The following PDE4DIP variants were observed in gnomAD, a reference collection of about 807,000 sequenced individuals.
The protein encoded by PDE4DIP is phosphodiesterase 4D interacting protein, also known as myomegalin.
A neutral mutation model predicts 221.4 loss-of-function variants in PDE4DIP; 59 were observed. The ratio of observed to expected loss-of-function variants is 0.27; its 90% CI spans 0.22 to 0.33. PDE4DIP has a LOEUF of 0.33. Ranked by LOEUF, PDE4DIP falls within the 10% of genes least tolerant of loss-of-function variation. The pLI is 1.00. For synonymous variants in PDE4DIP, 404 were observed against 815.9 expected (o/e 0.50, Z 8.60); for missense variants, 1,036 against 2,154.2 (o/e 0.48, Z 10.28).
At position 148,831,953 on chromosome 1, in the gene PDE4DIP, G is replaced by GT. The variant is rs1450436769; in HGVS notation, c.233+23222dup. 1.6e-3 allele frequency among the ~76,000 whole-genome samples: 201 copies of GT among 129,570 alleles called. 9 individuals carry two copies. The highest frequency in any genetic ancestry group is 2.5e-3 in the Non-Finnish European group (143 of 56,842). The allele number at this position is 129,570 out of a possible 152,430, so 85.0% of individuals were successfully genotyped here. The stretch of plus-strand genomic sequence containing the variant: ...TTGGTTCCATATGAACTTTAAAGTA[G>GT]TTTTTTCCAATTCTGTGAAGAAAGT... On this transcript the variant is annotated intron_variant, in intron 1 of 45. Transcript: ENST00000524974.
chr1:148,979,950 T>G, intron 20 of PDE4DIP, 101 bp downstream of exon 23: 1 of 1,435,554 alleles, frequency 7.0e-7, no homozygotes, highest in East Asian at 2.6e-5. Flanking sequence ...CAGATGCTTA[T>G]GATACTGAAG....
At chr1:148,960,921 T>C (rs1553509148) in intron 6 of PDE4DIP, 136 bp downstream of exon 9, 15 of 621,234 alleles carry the variant, frequency 2.4e-5, no homozygotes, top group Non-Finnish European at 3.2e-5. Context: ...GAATATTTCA[T>C]GTAAAAGTGT....
At chr1:148,961,174 G>A (rs1356941538) in intron 6 of PDE4DIP, among the ~76,000 whole-genome samples, 1 of 152,102 alleles carries the variant, frequency 6.6e-6, no homozygotes. Context: ...CAGGCGTTGT[G>A]GCAGACACCT....
At chr1:148,877,207 ACGGCAACAG>A (rs1305257869) in intron 3 of PDE4DIP, among the ~76,000 whole-genome samples, 1 of 150,136 alleles carries the variant, frequency 6.7e-6, no homozygotes, top group Non-Finnish European at 1.5e-5. Flanking sequence ...AAACAAAACA[ACGGCAACAG>A]CAATTTGACT....
Position 148,879,498 on chromosome 1 carries a change from G to GT in PDE4DIP, c.442-10279dup, listed in dbSNP as rs1306982392. Among the ~76,000 whole-genome samples, 5 of 140,834 alleles carry GT rather than the reference G, an allele frequency of 3.6e-5. No homozygotes were observed. The South Asian group carries it at 9.3e-4, about 26-fold the overall frequency. 92.4% of individuals were successfully genotyped at this position (140,834 alleles called of 152,430 possible). On this transcript the variant is annotated intron_variant, in intron 3 of 45. Transcript: ENST00000524974. The stretch of plus-strand genomic sequence containing the variant: ...CCCTAAGTGCCACTGCGCCTGGCCT[G>GT]TTTTTTTATTTTTTGTAGAGATGGG...
chr1:148,958,090 C>A (rs1312020511), intron 5 of PDE4DIP, among the ~76,000 whole-genome samples: 3 of 139,352 alleles, frequency 2.2e-5, no homozygotes, highest in Admixed American at 7.1e-5. Flanking sequence ...GTTCATATTG[C>A]CTCAGGTGAA....
chr1:148,822,478 C>T (rs1161627798), intron 1 of PDE4DIP, among the ~76,000 whole-genome samples: 1 of 150,006 alleles, frequency 6.7e-6, no homozygotes, highest in Non-Finnish European at 1.5e-5. Flanking sequence ...ATCTAGGTTG[C>T]CTGCTTCTTA....
At chr1:149,021,201 G>A in intron 37 of PDE4DIP, 48 bp downstream of exon 40, 1 of 663,328 alleles carries the variant, frequency 1.5e-6, no homozygotes, top group Non-Finnish European at 2.7e-6. Context: ...CCCTTGCATA[G>A]GATGCTAGTG....
chr1:149,016,261 A>T lies in PDE4DIP; in HGVS notation c.5267-38A>T, dbSNP rs782665390. On this transcript the variant is annotated intron_variant, in intron 32 of 43. Coordinates refer to ENST00000369354, the Ensembl canonical transcript of PDE4DIP. ...TCCTTGCAAATTCTTCCCTTCTGACACCCCATTTGCTTCTTACTAATGTTT... is the reference window on the plus strand; with the variant it reads ...TCCTTGCAAATTCTTCCCTTCTGACTCCCCATTTGCTTCTTACTAATGTTT... The T allele has an allele frequency of 1.2e-5, 19 of 1,607,462 alleles. No individual in the cohort carries two copies. In the South Asian group the frequency reaches 2.0e-4, roughly 17 times the overall value.
At chr1:148,862,199 G>T (rs1268501978) in intron 1 of PDE4DIP, among the ~76,000 whole-genome samples, 1 of 150,602 alleles carries the variant, frequency 6.6e-6, no homozygotes, top group African/African-American at 2.5e-5. Context: ...TATAGCACTT[G>T]TTCCCAACTG....
chr1:148,979,663 A>C, intron 19 of PDE4DIP, 74 bp from the exon 23 acceptor site: 1,381 of 1,101,182 alleles, frequency 1.3e-3, no homozygotes, highest in Non-Finnish European at 1.7e-3. Context: ...AGTACATGCT[A>C]ATGCATTTTC....
At chr1:148,930,395 T>A (rs2047650907) in intron 2 of PDE4DIP, 1 of 151,274 alleles carries the variant, frequency 6.6e-6, no homozygotes, top group Admixed American at 6.6e-5. Context: ...CAGTCGCCTG[T>A]AGTCCCAGCT....
rs782558788 is a variant in PDE4DIP at position 149,009,698 on chromosome 1, T to C, written c.4834T>C (p.Phe1612Leu). 4 of 1,614,156 alleles carry C rather than the reference T, an allele frequency of 2.5e-6. No homozygotes were observed. The Admixed American group carries it at 6.7e-5, about 27-fold the overall frequency. The change falls in exon 30 of 44, where the codon TTC becomes CTC. Residue 1612 changes from phenylalanine to leucine, a missense_variant. Phe to Leu is a conservative substitution (Grantham distance 22). Transcript: ENST00000369354. The stretch of plus-strand genomic sequence containing the variant: ...CCACCGCTCTCCCAGCAGCACCTCT[T>C]TCCTGTCTGATGAACTGGAAGCCTG...
At chr1:148,950,362 G>A (rs1176097692) in intron 5 of PDE4DIP, among the ~76,000 whole-genome samples, 5 of 152,090 alleles carry the variant, frequency 3.3e-5, no homozygotes, top group Non-Finnish European at 7.4e-5. Context: ...AGGCAAAAAT[G>A]CAGCTGTGGT....
At chr1:148,959,707 T>C (rs1553506517) in intron 5 of PDE4DIP, among the ~76,000 whole-genome samples, 1 of 152,164 alleles carries the variant, frequency 6.6e-6, no homozygotes, top group African/African-American at 2.4e-5. Flanking sequence ...GTCCCATATA[T>C]AAAATCATAC....
At chr1:148,945,631 AG>A (rs1220757718) in intron 5 of PDE4DIP, among the ~76,000 whole-genome samples, 4 of 152,126 alleles carry the variant, frequency 2.6e-5, no homozygotes, top group Non-Finnish European at 5.9e-5. Context: ...AATGAACAAA[AG>A]TTCATAGTGT....
intron 9 of PDE4DIP, among the ~76,000 whole-genome samples, chr1:148,963,201 T>C (rs78519259): frequency 1.2e-4 from 18 of 152,372 alleles, no homozygotes; most frequent in Non-Finnish European, 1.6e-4. Context: ...TATTTTATTG[T>C]TATTGTTAAT....
At chr1:148,937,064 A>C (rs1334487311) in intron 4 of PDE4DIP, among the ~76,000 whole-genome samples, 1 of 152,244 alleles carries the variant, frequency 6.6e-6, no homozygotes, top group Non-Finnish European at 1.5e-5. Flanking sequence ...ATATTTGTAT[A>C]CAACTGCCAG....
intron 1 of PDE4DIP, among the ~76,000 whole-genome samples, chr1:148,912,128 G>A (rs1266595615): frequency 5.5e-5 from 8 of 145,968 alleles, no homozygotes; most frequent in African/African-American, 2.1e-4. Flanking sequence ...GGATGGAAAG[G>A]GAAGCAAATA....
Sources: gnomAD v4.1 joint callset for allele counts (sites outside exome capture counted in the v4.1 genomes callset) on GRCh38, gnomAD v4.1.1 for gene constraint, MANE v1.5 for transcripts, NCBI Gene and HGNC (gene_info 2026-07-23, HGNC 2026-07-21) for gene names.